Variants in ALG1L2 observed in about 807,000 individuals in gnomAD.
ALG1L2 encodes putative glycosyltransferase ALG1L2.
Under a neutral mutation model 29.0 loss-of-function variants are expected in ALG1L2, and 32 were observed. The ratio of observed to expected loss-of-function variants is 1.10; its 90% CI spans 0.83 to 1.48. ALG1L2 has a LOEUF of 1.48. ALG1L2 is among the 40% of genes most tolerant of loss of function. ALG1L2 has a pLI of 0.00. For synonymous variants in ALG1L2, 110 were observed against 109.5 expected (o/e 1.00, Z -0.03); for missense variants, 318 against 274.1 (o/e 1.16, Z -1.13).
chr3:130,097,068 A>G, intron 6 of ALG1L2, 107 bp from the exon 7 acceptor site: 1 of 1,531,090 alleles, frequency 6.5e-7, no homozygotes. Context: ...CCCTGTTCCA[A>G]CCCCCAGCCT....
At chr3:130,091,852 G>A in intron 2 of ALG1L2, 1 of 733,110 alleles carries the variant, frequency 1.4e-6, no homozygotes, top group Admixed American at 2.1e-5. Context: ...TCCAGGGGAT[G>A]ACAAGACAGT....
In ALG1L2 at chr3:130,082,030, C is replaced by T. The variant is rs148739184; in HGVS notation, c.14C>T (p.Ala5Val). The T allele has an allele frequency of 6.4e-3, 9,685 of 1,509,070 alleles. 12 individuals carry two copies. The African/African-American group carries it at 0.12, about 18-fold the overall frequency. 93.5% of individuals were successfully genotyped at this position (1,509,070 alleles called of 1,614,324 possible). Reference sequence around the variant, plus strand: ...ACCTGAAGGGACATGGGAGCTACTGCAGGCTGGTAAGCAGGGGGGTGGTGC... The same window carrying T: ...ACCTGAAGGGACATGGGAGCTACTGTAGGCTGGTAAGCAGGGGGGTGGTGC... MGAT[A>V]GWAVTVYDKP... Residue 5 changes from alanine to valine, a missense_variant, in exon 1 of 8, where the codon GCA becomes GTA. Transcript: ENST00000425059.
intron 1 of ALG1L2, among the ~76,000 whole-genome samples, chr3:130,084,610 T>C (rs1234823011): frequency 7.6e-6 from 1 of 131,616 alleles, no homozygotes; most frequent in Non-Finnish European, 1.8e-5. Context: ...GGGCTCAGAA[T>C]GCTGCTGTAT....
chr3:130,097,522 T>G (rs1169657520), intron 7 of ALG1L2, among the ~76,000 whole-genome samples: 2 of 152,230 alleles, frequency 1.3e-5, no homozygotes, highest in African/African-American at 4.8e-5. Flanking sequence ...TGGGCCAGGC[T>G]GCAGTTTAGG....
Position 130,098,264 on chromosome 3 carries a change from G to C in ALG1L2, c.*9G>C. On this transcript the variant is annotated 3_prime_UTR_variant, in exon 8 of 8. Transcript: ENST00000425059. ...TTCTCAAACTTTCCTGATCCTGAAGGCAAGCTAAACCAGTTCCGGAAGAAC... is the reference window on the plus strand; with the variant it reads ...TTCTCAAACTTTCCTGATCCTGAAGCCAAGCTAAACCAGTTCCGGAAGAAC... 1 of 1,596,444 alleles carries C rather than the reference G, an allele frequency of 6.3e-7. No homozygotes were observed. Among genetic ancestry groups the C allele is most frequent in the Non-Finnish European group, 8.5e-7 (1 of 1,179,776 alleles).
intron 1 of ALG1L2, among the ~76,000 whole-genome samples, chr3:130,086,543 G>C (rs1934893735): frequency 6.7e-6 from 1 of 149,396 alleles, no homozygotes; most frequent in African/African-American, 2.5e-5. Flanking sequence ...CAGGTGCAGT[G>C]GTGCACACCT....
intron 3 of ALG1L2, among the ~76,000 whole-genome samples, chr3:130,092,659 AC>A (rs1394218785): frequency 2.0e-5 from 3 of 152,182 alleles, no homozygotes. Context: ...AGAGTATCTC[AC>A]AGAGGCTGGT....
intron 3 of ALG1L2, among the ~76,000 whole-genome samples, chr3:130,092,723 T>A (rs1303073557): frequency 2.6e-5 from 4 of 152,288 alleles, no homozygotes; most frequent in African/African-American, 9.6e-5. Context: ...GGACTCTGGC[T>A]ACTGTTTATT....
chr3:130,086,460 A>G (rs114745925), intron 1 of ALG1L2, among the ~76,000 whole-genome samples: 2,313 of 150,822 alleles, frequency 0.015, 20 homozygotes, highest in African/African-American at 0.052. Flanking sequence ...TGAAGCCAAG[A>G]GTCCAAGATC....
At chr3:130,085,299 G>A (rs1294491957) in intron 1 of ALG1L2, among the ~76,000 whole-genome samples, 1 of 149,946 alleles carries the variant, frequency 6.7e-6, no homozygotes, top group Non-Finnish European at 1.5e-5. Flanking sequence ...GTCTTGCTAT[G>A]TTGGCCAGGT....
rs540369514 is a variant in ALG1L2, at chr3:130,091,280, A to T, written c.40A>T (p.Lys14Ter). The stretch of plus-strand genomic sequence containing the variant: ...TTGCAGGGCTGTGACCGTCTACGAC[A>T]AGCCGGCATCTTTCTTTAAAGAGGC... ...TAGWAVTVYD[K>*]PASFFKEAPL... Residue 14 changes from lysine (K) to a stop codon, truncating the protein, a stop_gained, in exon 2 of 8, where the codon AAG becomes TAG. Transcript: ENST00000425059. LOFTEE classifies it high-confidence loss of function. The T allele has an allele frequency of 5.6e-6, 9 of 1,599,656 alleles. No homozygotes were observed. In the East Asian group the frequency reaches 1.8e-4, roughly 32 times the overall value.
rs760287878 is a variant in ALG1L2 at position 130,096,154 on chromosome 3, A to G, written c.530A>G (p.Asn177Ser). The change falls in exon 6 of 8, where the codon AAC becomes AGC. Residue 177 changes from asparagine to serine, a missense_variant. Asn to Ser is a conservative substitution (Grantham distance 46, BLOSUM62 1). Coordinates refer to ENST00000425059, the MANE Select transcript of ALG1L2 (RefSeq NM_001136152.1). ...FRCCLPACAVNFKCLHELVKH... is the reference protein window; with the variant it reads ...FRCCLPACAVSFKCLHELVKH... ...TGCTGTTTGCCTGCGTGTGCCGTGA[A>G]CTTCAAGTGGTAGGAGCAGAACCCG... The G allele has an allele frequency of 6.2e-7, 1 of 1,611,902 alleles. No individual in the cohort carries two copies. Among genetic ancestry groups the G allele is most frequent in the South Asian group, 1.1e-5 (1 of 90,974 alleles).
chr3:130,093,028 A>AG, intron 3 of ALG1L2, 73 bp from the exon 4 acceptor site: 1 of 1,067,842 alleles, frequency 9.4e-7, no homozygotes, highest in Non-Finnish European at 1.3e-6. Context: ...AGAGTCTGTC[A>AG]GAAAAAAAAA....
rs1934864469 is a variant in ALG1L2 at position 130,085,161 on chromosome 3, T to C, written c.20+3125T>C. On this transcript the variant is annotated intron_variant, in intron 1 of 7. Coordinates refer to ENST00000425059, the MANE Select transcript of ALG1L2 (RefSeq NM_001136152.1). ...TTTTTAGTAGAGACAGGTTTCACCA[T>C]GTTGGCCAGGCTGGTCTTGATCTCC... Among the ~76,000 whole-genome samples, 3 of 132,786 alleles carry C rather than the reference T, an allele frequency of 2.3e-5. 1 individual carries two copies. The highest frequency in any genetic ancestry group is 5.2e-5 in the Non-Finnish European group (3 of 57,316). The allele number at this position is 132,786 out of a possible 152,430, so 87.1% of individuals were successfully genotyped here.
chr3:130,091,644 C>T, intron 2 of ALG1L2: 1 of 566,464 alleles, frequency 1.8e-6, no homozygotes, highest in Non-Finnish European at 3.2e-6. Flanking sequence ...ACTCTCTGAC[C>T]CTTTAAGGAA....
intron 7 of ALG1L2, 144 bp downstream of exon 7, chr3:130,097,394 A>C: frequency 7.4e-7 from 1 of 1,353,164 alleles, no homozygotes; most frequent in Non-Finnish European, 9.8e-7. Context: ...GAAGTCACAG[A>C]GGCTGGCCTA....
chr3:130,096,150 G>C lies in ALG1L2; in HGVS notation c.526G>C (p.Val176Leu). 6.2e-7 allele frequency: 1 copy of C among 1,611,812 alleles called. No homozygotes were observed. Among genetic ancestry groups the C allele is most frequent in the Non-Finnish European group, 8.5e-7 (1 of 1,179,742 alleles). The stretch of plus-strand genomic sequence containing the variant: ...CAGGTGCTGTTTGCCTGCGTGTGCC[G>C]TGAACTTCAAGTGGTAGGAGCAGAA... ...MFRCCLPACAVNFKCLHELVK... is the reference protein window; with the variant it reads ...MFRCCLPACALNFKCLHELVK... The change falls in exon 6 of 8, where the codon GTG (valine) becomes CTG (leucine). Residue 176 changes from valine to leucine, a missense_variant. By Grantham distance (32) the Val-to-Leu change is conservative (BLOSUM62 1). Coordinates refer to ENST00000425059, the MANE Select transcript of ALG1L2 (RefSeq NM_001136152.1).
At chr3:130,087,956 C>A (rs932520858) in intron 1 of ALG1L2, among the ~76,000 whole-genome samples, 1 of 152,278 alleles carries the variant, frequency 6.6e-6, no homozygotes, top group Non-Finnish European at 1.5e-5. Flanking sequence ...TAGTGTGAAT[C>A]CAGAATAATA....
chr3:130,097,259 G>T lies in ALG1L2; in HGVS notation c.615+9G>T. ...TGGCAGCTCAGCTGCAGGTAGCCAT[G>T]TCTGCCACCACGCCAGGGTGGACAG... On this transcript the variant is annotated intron_variant, in intron 7 of 7. Coordinates refer to ENST00000425059, the MANE Select transcript of ALG1L2 (RefSeq NM_001136152.1). The T allele has an allele frequency of 6.2e-7, 1 of 1,606,862 alleles. No individual in the cohort carries two copies.
Sources: allele counts gnomAD v4.1 joint callset (sites outside exome capture counted in the v4.1 genomes callset), GRCh38; gene constraint gnomAD v4.1.1; transcripts MANE v1.5; gene names NCBI Gene and HGNC (gene_info 2026-07-23, HGNC 2026-07-21).